The following ABCA8 variants were observed in gnomAD, a reference collection of about 807,000 sequenced individuals.
ABCA8 encodes ABC-type organic anion transporter ABCA8.
In ABCA8, 177 loss-of-function variants were observed where a neutral mutation model predicts 192.3. The ratio of observed to expected loss-of-function variants is 0.92; its 90% CI spans 0.81 to 1.04. The LOEUF is 1.04. Ranked by LOEUF, ABCA8 falls within the 50% of genes least tolerant of loss-of-function variation. ABCA8 has a pLI of 0.00. For synonymous variants in ABCA8, 642 were observed against 690.2 expected (o/e 0.93, Z 1.09); for missense variants, 1,915 against 1,904.8 (o/e 1.01, Z -0.10).
intron 2 of ABCA8, among the ~76,000 whole-genome samples, chr17:68,942,954 C>A (rs1345547382): frequency 6.6e-6 from 1 of 152,092 alleles, no homozygotes; most frequent in African/African-American, 2.4e-5. Flanking sequence ...CTTGAACACC[C>A]AATTTAATGA....
rs145034903 is a variant in ABCA8 at position 68,932,397 on chromosome 17, T to G, written c.688A>C (p.Ile230Leu). 4.9e-5 allele frequency: 79 copies of G among 1,613,732 alleles called. No individual in the cohort carries two copies. The highest frequency in any genetic ancestry group is 1.2e-4 in the Admixed American group (7 of 60,000). Reference sequence around the variant, plus strand: ...TAAATGAATGAGGAAAATGAAATAATGCAGGAAAAAAGGTACAAATCAGTT... The same window carrying G: ...TAAATGAATGAGGAAAATGAAATAAGGCAGGAAAAAAGGTACAAATCAGTT... The part of the protein sequence containing the change: ...VITDLYLFSC[I>L]ISFSSFIYYA... Residue 230 changes from isoleucine to leucine, a missense_variant, in exon 7 of 40, where the codon ATT becomes CTT. Physicochemically the swap from Ile to Leu is conservative, Grantham distance 5. Coordinates refer to ENST00000586539, the MANE Select transcript of ABCA8 (RefSeq NM_001288985.2).
At position 68,881,155 on chromosome 17, in the gene ABCA8, C is replaced by A; in HGVS notation, c.4003G>T (p.Val1335Leu). 6.2e-7 allele frequency: 1 copy of A among 1,613,952 alleles called. No homozygotes were observed. The highest frequency in any genetic ancestry group is 1.1e-5 in the South Asian group (1 of 91,064). Residue 1335 changes from valine to leucine, a missense_variant, in exon 32 of 40, where the codon GTG becomes TTG. By Grantham distance (32) the Val-to-Leu change is conservative (BLOSUM62 1). Coordinates refer to ENST00000586539, the MANE Select transcript of ABCA8 (RefSeq NM_001288985.2). ...NGAGKSTSIK[V>L]ITGDTKPTAG... ...GTTGGTTTTGTGTCTCCAGTTATCA[C>A]CTTAATGGATGTGCTTTTACCAGCT... is the stretch of plus-strand genomic sequence containing the variant.
intron 29 of ABCA8, among the ~76,000 whole-genome samples, chr17:68,883,005 A>C (rs2066371632): frequency 6.6e-6 from 1 of 152,192 alleles, no homozygotes; most frequent in African/African-American, 2.4e-5. Context: ...TGTTGACATC[A>C]TTATGTTTTC....
At position 68,882,070 on chromosome 17, in the gene ABCA8, T is replaced by C. The variant is rs1033164089; in HGVS notation, c.3829-90A>G. The stretch of plus-strand genomic sequence containing the variant: ...CCATCTTCCCATTGGCTGGACCCTT[T>C]GTTGCCCCAGCCATGCATCAAAGAA... On this transcript the variant is annotated intron_variant, in intron 30 of 39. Coordinates refer to ENST00000586539, the MANE Select transcript of ABCA8 (RefSeq NM_001288985.2). 20 of 1,101,856 alleles carry C rather than the reference T, an allele frequency of 1.8e-5. No homozygotes were observed. The African/African-American group carries it at 2.9e-4, about 16-fold the overall frequency. 68.3% of individuals were successfully genotyped at this position (1,101,856 alleles called of 1,614,324 possible).
intron 19 of ABCA8, among the ~76,000 whole-genome samples, chr17:68,904,278 T>A (rs1462686643): frequency 1.1e-4 from 12 of 111,964 alleles, no homozygotes; most frequent in African/African-American, 4.5e-4. Context: ...CGAGACTCCA[T>A]CTCAAAAAAA....
chr17:68,908,342 G>A (rs1046902165), intron 17 of ABCA8, among the ~76,000 whole-genome samples: 1 of 152,194 alleles, frequency 6.6e-6, no homozygotes, highest in African/African-American at 2.4e-5. Flanking sequence ...ATGCCAAACA[G>A]TTTCAGTTAC....
intron 2 of ABCA8, among the ~76,000 whole-genome samples, chr17:68,946,269 T>C (rs1488322663): frequency 6.6e-6 from 1 of 152,108 alleles, no homozygotes; most frequent in East Asian, 1.9e-4. Context: ...GGTCTCACCA[T>C]ATTGGCCAGG....
chr17:68,940,088 A>G (rs1304915735), intron 4 of ABCA8, among the ~76,000 whole-genome samples: 1 of 152,072 alleles, frequency 6.6e-6, no homozygotes, highest in Non-Finnish European at 1.5e-5. Flanking sequence ...CATCTCCTCT[A>G]ATTTCAGAGC....
Position 68,911,635 on chromosome 17 carries a change from C to G in ABCA8, c.2139-3756G>C, listed in dbSNP as rs1477973893. The stretch of plus-strand genomic sequence containing the variant: ...GGTCGCTGCGGGTCTTGGGAAAGAC[C>G]CAGTGCTGTATTGGCTTTAGATCTG... On this transcript the variant is annotated intron_variant, in intron 17 of 39. Coordinates refer to ENST00000586539, the MANE Select transcript of ABCA8 (RefSeq NM_001288985.2). This position sits in a 1 kb window ranked among gnomAD's most constrained non-coding sequence, Gnocchi z 5.7. Among the ~76,000 whole-genome samples the G allele has an allele frequency of 6.6e-6, 1 of 151,552 alleles. No homozygotes were observed. The highest frequency in any genetic ancestry group is 2.4e-5 in the African/African-American group (1 of 41,366).
At chr17:68,910,503 G>A (rs116533024) in intron 17 of ABCA8, among the ~76,000 whole-genome samples, 6 of 152,110 alleles carry the variant, frequency 3.9e-5, no homozygotes, top group Non-Finnish European at 7.4e-5. Context: ...CTAAATAAAC[G>A]TAGGACCACA....
chr17:68,936,952 T>A lies in ABCA8; in HGVS notation c.465A>T (p.Thr155=), dbSNP rs994616450. Residue 155 remains threonine, a splice_region_variant and synonymous_variant, in exon 5 of 40, where the codon ACA becomes ACT. Transcript: ENST00000586539. ...MPAKKEHKDH[T]AHCYETNEDV... ...GAAATTTTAGAGCCATAAAATTACC[T>A]GTATGGTCCTTGTGCTCCTTCTTTG... 6.4e-6 allele frequency: 10 copies of A among 1,568,846 alleles called. No homozygotes were observed. The highest frequency in any genetic ancestry group is 8.6e-6 in the Non-Finnish European group (10 of 1,162,916).
rs1598274649 is a variant in ABCA8, at chr17:68,929,338, G to A, written c.940-104C>T. On this transcript the variant is annotated intron_variant, in intron 8 of 39. Transcript: ENST00000586539. ...TAGTTATTTTGTGTATGTAACAGTT[G>A]TATATTATAGTTATTTTGTATATAA... 3.1e-5 allele frequency: 34 copies of A among 1,086,652 alleles called. No homozygotes were observed. In the East Asian group the frequency reaches 8.9e-4, roughly 29 times the overall value. 67.3% of individuals were successfully genotyped at this position (1,086,652 alleles called of 1,614,324 possible). A position where few individuals can be genotyped will look rare whatever the true frequency, so the allele number is the denominator to read the frequency against.
At chr17:68,944,359 T>TATATGTATATATACAC (rs765731645) in intron 2 of ABCA8, among the ~76,000 whole-genome samples, 2 of 69,464 alleles carry the variant, frequency 2.9e-5, no homozygotes, top group Admixed American at 1.5e-4. Context: ...TATATATATA[T>TATATGTATATATACAC]ACACATATAC....
chr17:68,934,875 T>C (rs1377602047), intron 5 of ABCA8, among the ~76,000 whole-genome samples: 2 of 152,176 alleles, frequency 1.3e-5, no homozygotes, highest in Non-Finnish European at 2.9e-5. Context: ...ATATAACATG[T>C]GGTTTCAACA....
intron 13 of ABCA8, 22 bp from the exon 14 acceptor site, chr17:68,919,498 T>C (rs1412337567): frequency 6.3e-7 from 1 of 1,594,090 alleles, no homozygotes; most frequent in Admixed American, 1.7e-5. Context: ...GAAAAGTTAA[T>C]ATCAAGATAA....
chr17:68,927,120 G>A lies in ABCA8; in HGVS notation c.1273+796C>T, dbSNP rs115332193. On this transcript the variant is annotated intron_variant, in intron 10 of 39. Coordinates refer to ENST00000586539, the MANE Select transcript of ABCA8 (RefSeq NM_001288985.2). Reference sequence around the variant, plus strand: ...CTAAAAACAGAAAAATTAGCCAGGCGTGTGGCACACATCTGTAATCCCAGC... The same window carrying A: ...CTAAAAACAGAAAAATTAGCCAGGCATGTGGCACACATCTGTAATCCCAGC... 5.8e-3 allele frequency among the ~76,000 whole-genome samples: 882 copies of A among 152,174 alleles called. 13 individuals are homozygous for A. Among genetic ancestry groups the A allele is most frequent in the African/African-American group, 0.02 (842 of 41,506 alleles).
chr17:68,868,288 A>G lies in ABCA8; in HGVS notation c.4767+13T>C, dbSNP rs766385286. 1.2e-6 allele frequency: 2 copies of G among 1,613,132 alleles called. No homozygotes were observed. Among genetic ancestry groups the G allele is most frequent in the Non-Finnish European group, 1.7e-6 (2 of 1,179,208 alleles). On this transcript the variant is annotated intron_variant, in intron 39 of 39. Transcript: ENST00000586539. ...TATACCATGGATGATACGAATCCCTAAAAATGACCCACCTGCTCCAGGGTA... is the reference window on the plus strand; with the variant it reads ...TATACCATGGATGATACGAATCCCTGAAAATGACCCACCTGCTCCAGGGTA...
At chr17:68,897,646 C>T (rs1452441827) in intron 21 of ABCA8, among the ~76,000 whole-genome samples, 2 of 151,980 alleles carry the variant, frequency 1.3e-5, no homozygotes, top group African/African-American at 4.8e-5. Context: ...CAGATTATAC[C>T]AATAAAAAGT....
chr17:68,935,540 CTATATATATA>C (rs6146128), intron 5 of ABCA8, among the ~76,000 whole-genome samples: 27 of 87,290 alleles, frequency 3.1e-4, no homozygotes, highest in African/African-American at 1.0e-3. Context: ...AGTAGTATTC[CTATATATATA>C]TATATATATA....
Sources: allele counts gnomAD v4.1 joint callset (sites outside exome capture counted in the v4.1 genomes callset), GRCh38; gene constraint gnomAD v4.1.1; non-coding constraint Gnocchi (gnomAD v3.1); transcripts MANE v1.5; gene names NCBI Gene and HGNC (gene_info 2026-07-23, HGNC 2026-07-21).